TBC1D1: variants seen among roughly 807,000 people sequenced by gnomAD.
TBC1D1 encodes the protein TBC1 domain family member 1.
In TBC1D1, 89 loss-of-function variants were observed where a neutral mutation model predicts 125.6. The ratio of observed to expected loss-of-function variants is 0.71; its 90% CI spans 0.60 to 0.85. TBC1D1 has a LOEUF of 0.85. TBC1D1 is among the 40% of genes least tolerant of loss of function. The probability of loss-of-function intolerance (pLI) is 0.00; values close to 1 mark genes in which losing one functional copy is unlikely to be tolerated. For synonymous variants in TBC1D1, 565 were observed against 564.1 expected, an observed-to-expected ratio of 1.00 and a Z score of -0.02; for missense variants, 1,377 against 1,469.2, an observed-to-expected ratio of 0.94 and a Z score of 1.03.
chr4:37,921,122 A>G (rs953279256), intron 2 of TBC1D1, among the ~76,000 whole-genome samples: 27 of 150,776 alleles, frequency 1.8e-4, no homozygotes, highest in Non-Finnish European at 3.7e-4. Flanking sequence ...AAAAAAAAAA[A>G]AAAAAAAAAA....
chr4:37,967,818 C>T (rs946243537), intron 2 of TBC1D1, among the ~76,000 whole-genome samples: 15 of 152,138 alleles, frequency 9.9e-5, no homozygotes, highest in Non-Finnish European at 2.9e-5. Context: ...GAGTTTAAAG[C>T]TAAGAGTCTA....
Position 37,987,303 on chromosome 4 carries a change from T to C in TBC1D1, c.418-27206T>C, listed in dbSNP as rs1489257301. Reference sequence around the variant, plus strand: ...ATTTCCTCCTTCCACTTTTTTTTTTTTCAGGAAAGAAATATGAAGAAACTG... The same window carrying C: ...ATTTCCTCCTTCCACTTTTTTTTTTCTCAGGAAAGAAATATGAAGAAACTG... On this transcript the variant is annotated intron_variant, in intron 2 of 19. Coordinates refer to ENST00000261439, the MANE Select transcript of TBC1D1 (RefSeq NM_015173.4). Among the ~76,000 whole-genome samples the C allele has an allele frequency of 2.6e-5, 4 of 152,166 alleles. No homozygotes were observed. In the South Asian group the frequency reaches 8.3e-4, roughly 32 times the overall value.
chr4:37,911,500 G>A lies in TBC1D1; in HGVS notation c.417+8988G>A, dbSNP rs1718630922. Reference sequence around the variant, plus strand: ...ATGCAGGATTTTAGGGAAAGAGGTGGACTTGAGTGTGGTTGCTGATGTGCA... The same window carrying A: ...ATGCAGGATTTTAGGGAAAGAGGTGAACTTGAGTGTGGTTGCTGATGTGCA... On this transcript the variant is annotated intron_variant, in intron 2 of 19. Transcript: ENST00000261439. Among the ~76,000 whole-genome samples the A allele has an allele frequency of 3.3e-5, 5 of 152,114 alleles. No individual in the cohort carries two copies. In the South Asian group the frequency reaches 1.0e-3, roughly 32 times the overall value.
chr4:37,963,187 G>A (rs1377272183), intron 2 of TBC1D1, among the ~76,000 whole-genome samples: 3 of 152,152 alleles, frequency 2.0e-5, no homozygotes, highest in Non-Finnish European at 4.4e-5. Context: ...GGCCATTCTT[G>A]CATCGCTATA....
chr4:38,117,957 C>A, intron 16 of TBC1D1, 76 bp from the exon 19 acceptor site: 1 of 1,357,258 alleles, frequency 7.4e-7, no homozygotes, highest in Non-Finnish European at 1.0e-6. Flanking sequence ...CTTACACCCA[C>A]CCTGTGAGCA....
At chr4:37,933,417 A>G (rs1723706531) in intron 2 of TBC1D1, among the ~76,000 whole-genome samples, 1 of 144,370 alleles carries the variant, frequency 6.9e-6, no homozygotes, top group African/African-American at 2.7e-5. Context: ...ACCTATATGT[A>G]TACACACATA....
chr4:38,032,840 CAAAAA>C (rs1228708927), intron 7 of TBC1D1, among the ~76,000 whole-genome samples: 3 of 86,748 alleles, frequency 3.5e-5, no homozygotes, highest in East Asian at 8.2e-4. Context: ...GACTCCATCT[CAAAAA>C]AAAAAAAAAA....
At chr4:37,946,507 G>A (rs1282701813) in intron 2 of TBC1D1, among the ~76,000 whole-genome samples, 1 of 152,232 alleles carries the variant, frequency 6.6e-6, no homozygotes, top group Non-Finnish European at 1.5e-5. Flanking sequence ...ACAGTATCGT[G>A]TGAATCTATT....
At chr4:37,920,893 G>C (rs1720807237) in intron 2 of TBC1D1, among the ~76,000 whole-genome samples, 1 of 152,060 alleles carries the variant, frequency 6.6e-6, no homozygotes, top group Non-Finnish European at 1.5e-5. Context: ...GGCCGATCAC[G>C]AGGCCAGGAG....
intron 12 of TBC1D1, among the ~76,000 whole-genome samples, chr4:38,058,113 A>G (rs901934477): frequency 1.3e-5 from 2 of 152,134 alleles, no homozygotes; most frequent in Non-Finnish European, 2.9e-5. Context: ...CCTTCAGTCA[A>G]TCTCCTCCGC....
intron 2 of TBC1D1, among the ~76,000 whole-genome samples, chr4:37,914,429 C>T (rs1423180785): frequency 6.6e-6 from 1 of 152,008 alleles, no homozygotes; most frequent in Non-Finnish European, 1.5e-5. Flanking sequence ...TCTCTTTTTC[C>T]ATTATCCCTC....
chr4:38,116,088 G>A, intron 16 of TBC1D1, 134 bp downstream of exon 18: 2 of 935,490 alleles, frequency 2.1e-6, no homozygotes, highest in Middle Eastern at 3.4e-4. Flanking sequence ...AAAGGACTCT[G>A]TGCTAGGCAT....
intron 2 of TBC1D1, among the ~76,000 whole-genome samples, chr4:37,962,000 A>T (rs181190557): frequency 6.6e-6 from 1 of 152,242 alleles, no homozygotes; most frequent in African/African-American, 2.4e-5. Context: ...AAGTTTAAAA[A>T]TTCAAGACAA....
At chr4:38,105,775 C>T (rs77637817) in intron 15 of TBC1D1, among the ~76,000 whole-genome samples, 3,272 of 152,244 alleles carry the variant, frequency 0.021, 78 homozygotes, top group East Asian at 0.083. Flanking sequence ...GATTTTGTCC[C>T]TTTCTATGGC....
chr4:38,108,436 C>T (rs73134634), intron 15 of TBC1D1, among the ~76,000 whole-genome samples: 5,410 of 152,302 alleles, frequency 0.036, 335 homozygotes, highest in African/African-American at 0.12. Flanking sequence ...TAATCTCCCC[C>T]ACATCAATTG....
At chr4:38,053,399 A>G (rs1288905310) in intron 11 of TBC1D1, among the ~76,000 whole-genome samples, 174 bp downstream of exon 13, 30 of 152,236 alleles carry the variant, frequency 2.0e-4, no homozygotes, top group Admixed American at 1.6e-3. Context: ...AAAAATGTGC[A>G]ACCAACCTGT....
At chr4:37,909,566 T>C (rs541523271) in intron 2 of TBC1D1, among the ~76,000 whole-genome samples, 74 of 152,336 alleles carry the variant, frequency 4.9e-4, no homozygotes, top group South Asian at 3.3e-3. Context: ...GATCGAAGAT[T>C]ACAACACAGA....
chr4:38,014,625 C>A lies in TBC1D1; in HGVS notation c.534C>A (p.Cys178Ter). 6.2e-7 allele frequency: 1 copy of A among 1,613,402 alleles called. No homozygotes were observed. Among genetic ancestry groups the A allele is most frequent in the Middle Eastern group, 1.6e-4 (1 of 6,062 alleles). Reference sequence around the variant, plus strand: ...CCAAGAAGTTCGAGGTGCTCTTCTGCGGCCGCGTGACGGTGGCGCACAAGA... The same window carrying A: ...CCAAGAAGTTCGAGGTGCTCTTCTGAGGCCGCGTGACGGTGGCGCACAAGA... Residue 178 changes from cysteine (C) to a stop codon, truncating the protein, a stop_gained, in exon 3 of 20, where the codon TGC becomes TGA. Transcript: ENST00000261439. LOFTEE classifies it high-confidence loss of function. This position sits in a 1 kb window ranked among gnomAD's most constrained non-coding sequence, Gnocchi z 5.1.
rs777130926 is a variant in TBC1D1 at position 38,014,820 on chromosome 4, G to C, written c.729G>C (p.Ser243=). ...CCTTCTCCCAGCCCGGCCTGCGCTC[G>C]CTGGCCTTTAGGAAGGAGCTGCAGG... Residue 243 remains serine (S), a synonymous_variant, in exon 3 of 20, where the codon TCG becomes TCC. Transcript: ENST00000261439. This position sits in a 1 kb window ranked among gnomAD's most constrained non-coding sequence, Gnocchi z 5.1. 3.1e-6 allele frequency: 5 copies of C among 1,608,372 alleles called. No individual in the cohort carries two copies. Among genetic ancestry groups the C allele is most frequent in the Non-Finnish European group, 4.2e-6 (5 of 1,176,794 alleles).
Sources: allele counts gnomAD v4.1 joint callset (sites outside exome capture counted in the v4.1 genomes callset), GRCh38; gene constraint gnomAD v4.1.1; non-coding constraint Gnocchi (gnomAD v3.1); transcripts MANE v1.5; gene names NCBI Gene and HGNC (gene_info 2026-07-23, HGNC 2026-07-21).